MSH3: variants seen among roughly 807,000 people sequenced by gnomAD.
MSH3 encodes the protein DNA mismatch repair protein Msh3.
A neutral mutation model predicts 123.3 loss-of-function variants in MSH3; 106 were observed. The observed-to-expected ratio is 0.86, with a 90% CI of 0.73 to 1.01. The LOEUF is 1.01. Among genes scored for constraint, MSH3 ranks in the 50% least tolerant of loss-of-function variants. The pLI, the probability that MSH3 is intolerant of heterozygous loss-of-function variation, is 0.00. For missense variants in MSH3, 1,459 were observed against 1,347.6 expected (o/e 1.08, Z -1.29); for synonymous variants, 515 against 481.4 (o/e 1.07, Z -0.91).
chr5:80,742,383 T>C (rs560949062), intron 11 of MSH3, among the ~76,000 whole-genome samples: 19 of 152,352 alleles, frequency 1.2e-4, no homozygotes, highest in African/African-American at 4.3e-4. Flanking sequence ...ATTAAACTTA[T>C]TGCTTTCATT....
At position 80,799,016 on chromosome 5, in the gene MSH3, T is replaced by C. The variant is rs181233373; in HGVS notation, c.2655+6172T>C. 5.3e-3 allele frequency among the ~76,000 whole-genome samples: 802 copies of C among 152,324 alleles called. 3 individuals are homozygous for C. The highest frequency in any genetic ancestry group is 8.8e-3 in the Non-Finnish European group (600 of 68,030). ...AGTGTAGTGGGAAAGTGGCTCACAA[T>C]GGTAGGAGATTTAAATTAAAATCCT... On this transcript the variant is annotated intron_variant, in intron 19 of 23. Transcript: ENST00000265081.
At chr5:80,711,917 G>T (rs80038942) in intron 8 of MSH3, among the ~76,000 whole-genome samples, 12,178 of 152,182 alleles carry the variant, frequency 0.08, 858 homozygotes, top group East Asian at 0.33. Flanking sequence ...GCCTCCCACA[G>T]TGCTGGGATT....
At chr5:80,874,498 G>C (rs1279146502) in intron 23 of MSH3, among the ~76,000 whole-genome samples, 1 of 152,060 alleles carries the variant, frequency 6.6e-6, no homozygotes, top group Non-Finnish European at 1.5e-5. Context: ...TTTTTCCTGA[G>C]GGAAAAGTAT....
At chr5:80,836,164 T>C (rs536201886) in intron 20 of MSH3, among the ~76,000 whole-genome samples, 13 of 152,330 alleles carry the variant, frequency 8.5e-5, no homozygotes, top group African/African-American at 3.1e-4. Flanking sequence ...AACATATAAA[T>C]TTAAATCCTT....
chr5:80,707,658 C>CGAGGTT (rs1286282754), intron 8 of MSH3, among the ~76,000 whole-genome samples: 1 of 152,108 alleles, frequency 6.6e-6, no homozygotes, highest in East Asian at 1.9e-4. Flanking sequence ...CTTGAGCCCC[C>CGAGGTT]GAGGTTGAGG....
chr5:80,662,565 G>A (rs1227659549), intron 2 of MSH3, among the ~76,000 whole-genome samples: 2 of 152,088 alleles, frequency 1.3e-5, no homozygotes, highest in Non-Finnish European at 2.9e-5. Flanking sequence ...GGTGGCTCAC[G>A]CCTTTAATCA....
chr5:80,723,734 C>T (rs952081415), intron 8 of MSH3, among the ~76,000 whole-genome samples: 2 of 150,828 alleles, frequency 1.3e-5, no homozygotes, highest in African/African-American at 2.4e-5. Context: ...TAATATACAT[C>T]ACATTCAAGA....
intron 18 of MSH3, among the ~76,000 whole-genome samples, chr5:80,792,422 AAAAG>A (rs962457438): frequency 1.1e-4 from 17 of 151,796 alleles, no homozygotes; most frequent in Admixed American, 3.3e-4. Context: ...TAAAAAAAAA[AAAAG>A]AAAGAAAAGA....
intron 13 of MSH3, among the ~76,000 whole-genome samples, chr5:80,763,293 T>C (rs1314203198): frequency 2.0e-5 from 3 of 152,258 alleles, no homozygotes; most frequent in African/African-American, 7.2e-5. Context: ...GTAACTGTTT[T>C]ACATGCCTCA....
chr5:80,750,078 A>AGAGTGTGT (rs1554071460), intron 12 of MSH3, among the ~76,000 whole-genome samples: 2 of 134,206 alleles, frequency 1.5e-5, no homozygotes, highest in African/African-American at 3.0e-5. Context: ...AGTATTCCAG[A>AGAGTGTGT]GTGTGTGTGT....
chr5:80,819,887 G>C (rs1024234212), intron 20 of MSH3, among the ~76,000 whole-genome samples: 9 of 152,168 alleles, frequency 5.9e-5, no homozygotes, highest in Non-Finnish European at 1.2e-4. Flanking sequence ...TAAGGCCATA[G>C]GGCCTGTGTC....
intron 19 of MSH3, among the ~76,000 whole-genome samples, chr5:80,801,371 T>C (rs1413391509): frequency 6.6e-6 from 1 of 152,140 alleles, no homozygotes; most frequent in African/African-American, 2.4e-5. Flanking sequence ...TCTTCAGTCT[T>C]GTGTCTTTTT....
intron 10 of MSH3, among the ~76,000 whole-genome samples, chr5:80,736,097 G>T (rs1252984689): frequency 2.0e-5 from 3 of 151,988 alleles, no homozygotes; most frequent in South Asian, 4.2e-4. Flanking sequence ...ATGATGGCGG[G>T]TGCCTGTAAT....
chr5:80,729,430 A>AGTGTGTG (rs1491210653), intron 10 of MSH3, among the ~76,000 whole-genome samples: 1 of 78,376 alleles, frequency 1.3e-5, no homozygotes, highest in African/African-American at 5.6e-5. Context: ...AAAAAAAAAA[A>AGTGTGTG]TGTGTGTGTG....
At chr5:80,779,599 G>A (rs1232566209) in intron 17 of MSH3, among the ~76,000 whole-genome samples, 1 of 142,800 alleles carries the variant, frequency 7.0e-6, no homozygotes, top group Admixed American at 7.2e-5. Context: ...CACCCAGGCT[G>A]GAGTGCAGTG....
intron 19 of MSH3, among the ~76,000 whole-genome samples, chr5:80,801,365 C>G (rs1204410691): frequency 6.6e-6 from 1 of 152,128 alleles, no homozygotes; most frequent in Non-Finnish European, 1.5e-5. Flanking sequence ...CCTGATTCTT[C>G]AGTCTTGTGT....
At chr5:80,660,274 C>T (rs961027761) in intron 2 of MSH3, among the ~76,000 whole-genome samples, 4 of 150,976 alleles carry the variant, frequency 2.6e-5, no homozygotes, top group Admixed American at 1.3e-4. Flanking sequence ...TCTTACATGG[C>T]GGTGGCAAGA....
intron 17 of MSH3, among the ~76,000 whole-genome samples, chr5:80,787,232 A>G (rs1744525184): frequency 6.6e-6 from 1 of 152,230 alleles, no homozygotes; most frequent in Admixed American, 6.5e-5. Flanking sequence ...TCATGATGTT[A>G]TTGAAGCAAA....
intron 10 of MSH3, among the ~76,000 whole-genome samples, chr5:80,733,214 G>C (rs1743441734): frequency 6.6e-6 from 1 of 152,164 alleles, no homozygotes; most frequent in Non-Finnish European, 1.5e-5. Flanking sequence ...GGGGTGTTAA[G>C]ACAATTCAGT....
Sources: gnomAD v4.1 joint callset for allele counts (sites outside exome capture counted in the v4.1 genomes callset) on GRCh38, gnomAD v4.1.1 for gene constraint, MANE v1.5 for transcripts, NCBI Gene and HGNC (gene_info 2026-07-23, HGNC 2026-07-21) for gene names.